The following PRKG1 variants were observed in gnomAD, a reference collection of about 807,000 sequenced individuals.
PRKG1 encodes protein kinase cGMP-dependent 1.
A neutral mutation model predicts 88.1 loss-of-function variants in PRKG1; 35 were observed. The ratio of observed to expected loss-of-function variants is 0.40; its 90% confidence interval spans 0.30 to 0.53. The LOEUF is 0.53. Among genes scored for constraint, PRKG1 ranks in the 20% least tolerant of loss-of-function variants. The pLI is 0.59. For synonymous variants in PRKG1, 303 were observed against 292.5 expected, an observed-to-expected ratio of 1.04 and a Z score of -0.37; for missense variants, 540 against 839.8, an observed-to-expected ratio of 0.64 and a Z score of 4.41.
At chr10:51,311,935 G>A (rs974909023) in intron 2 of PRKG1, among the ~76,000 whole-genome samples, 2 of 152,128 alleles carry the variant, frequency 1.3e-5, no homozygotes, top group Non-Finnish European at 2.9e-5. Flanking sequence ...GCAATGGCAT[G>A]ATCTTGGCTC....
At chr10:51,061,953 C>T (rs1189411143) in intron 1 of PRKG1, among the ~76,000 whole-genome samples, 1 of 152,200 alleles carries the variant, frequency 6.6e-6, no homozygotes, top group Non-Finnish European at 1.5e-5. Context: ...TGTTGCATGG[C>T]TTCTACTGTT....
chr10:51,549,951 A>G (rs548848603), intron 3 of PRKG1, among the ~76,000 whole-genome samples: 2 of 152,226 alleles, frequency 1.3e-5, no homozygotes, highest in Admixed American at 6.6e-5. Flanking sequence ...GCTTTTGCCT[A>G]GACTCATCCT....
chr10:51,738,788 A>C (rs867557084), intron 3 of PRKG1, among the ~76,000 whole-genome samples: 1 of 152,228 alleles, frequency 6.6e-6, no homozygotes, highest in Non-Finnish European at 1.5e-5. Context: ...TTTTAAAGTT[A>C]AAATTCTATT....
At chr10:51,546,379 A>T (rs1246828838) in intron 3 of PRKG1, among the ~76,000 whole-genome samples, 2 of 152,122 alleles carry the variant, frequency 1.3e-5, no homozygotes, top group Non-Finnish European at 2.9e-5. Context: ...CAAAAATGAT[A>T]GTTAAAAACT....
At chr10:51,405,513 G>A (rs990210045) in intron 2 of PRKG1, among the ~76,000 whole-genome samples, 4 of 152,106 alleles carry the variant, frequency 2.6e-5, no homozygotes, top group Non-Finnish European at 4.4e-5. Context: ...ACGTACAGGC[G>A]ATTTCAAATA....
At chr10:51,864,487 G>A (rs1306918353) in intron 4 of PRKG1, among the ~76,000 whole-genome samples, 1 of 152,208 alleles carries the variant, frequency 6.6e-6, no homozygotes, top group Admixed American at 6.5e-5. Flanking sequence ...TGACTCTCAC[G>A]TAGTAATTGC....
chr10:52,100,959 C>A (rs1299882663), intron 7 of PRKG1, among the ~76,000 whole-genome samples: 3 of 152,122 alleles, frequency 2.0e-5, no homozygotes, highest in Admixed American at 6.6e-5. Flanking sequence ...AGAATGTGTT[C>A]ATTAGAGATT....
rs529454290 is a variant in PRKG1 at position 51,151,094 on chromosome 10, G to T, written c.312-2070G>T. The stretch of plus-strand genomic sequence containing the variant: ...TTCTTGATTAGTTTTTATTGTACAA[G>T]AAACTATGAACCCATCAAATGGCCT... On this transcript the variant is annotated intron_variant, in intron 1 of 17. Transcript: ENST00000373980. Among the ~76,000 whole-genome samples the T allele has an allele frequency of 2.5e-4, 32 of 125,694 alleles. No individual in the cohort carries two copies. The East Asian group carries it at 5.8e-3, about 23-fold the overall frequency. The allele number at this position is 125,694 out of a possible 152,430, so 82.5% of individuals were successfully genotyped here.
chr10:51,834,403 G>T (rs1840075423), intron 4 of PRKG1, among the ~76,000 whole-genome samples: 1 of 152,138 alleles, frequency 6.6e-6, no homozygotes, highest in South Asian at 2.1e-4. Context: ...AACTTTGGGA[G>T]GCCGAGGCAA....
chr10:51,824,221 T>C (rs1049161403), intron 4 of PRKG1, among the ~76,000 whole-genome samples: 8 of 152,172 alleles, frequency 5.3e-5, no homozygotes, highest in African/African-American at 1.9e-4. Context: ...TTATAGGTCT[T>C]GGTGCTTGGA....
At chr10:51,844,704 C>T (rs1428461734) in intron 4 of PRKG1, among the ~76,000 whole-genome samples, 3 of 152,100 alleles carry the variant, frequency 2.0e-5, no homozygotes, top group African/African-American at 7.2e-5. Flanking sequence ...GATAAAAATT[C>T]TGAAGGAATG....
intron 5 of PRKG1, among the ~76,000 whole-genome samples, chr10:51,970,221 T>C (rs1843675954): frequency 1.3e-5 from 2 of 152,074 alleles, no homozygotes; most frequent in African/African-American, 4.8e-5. Context: ...GATATAATGC[T>C]TTTCAATTTT....
At chr10:51,143,830 T>C (rs910615189) in intron 1 of PRKG1, among the ~76,000 whole-genome samples, 2 of 152,106 alleles carry the variant, frequency 1.3e-5, no homozygotes, top group African/African-American at 4.8e-5. Flanking sequence ...TGGGTTTTTT[T>C]TGCTACTGAG....
intron 3 of PRKG1, among the ~76,000 whole-genome samples, chr10:51,726,383 T>G (rs1027315011): frequency 5.3e-5 from 8 of 152,242 alleles, no homozygotes; most frequent in Non-Finnish European, 1.2e-4. Flanking sequence ...GCATTGTGCA[T>G]GTATGTAAAA....
intron 1 of PRKG1, among the ~76,000 whole-genome samples, chr10:51,090,417 T>A (rs953695982): frequency 6.6e-6 from 1 of 151,986 alleles, no homozygotes; most frequent in African/African-American, 2.4e-5. Context: ...CCTACACAAT[T>A]TCTGTGTGGG....
intron 3 of PRKG1, among the ~76,000 whole-genome samples, chr10:51,742,506 GTGAC>G (rs1166058217): frequency 6.6e-6 from 1 of 152,200 alleles, no homozygotes; most frequent in Non-Finnish European, 1.5e-5. Flanking sequence ...AATAAGTTTA[GTGAC>G]TAGTTGGATG....
At chr10:52,055,568 T>C (rs981819550) in intron 6 of PRKG1, among the ~76,000 whole-genome samples, 11 of 152,182 alleles carry the variant, frequency 7.2e-5, no homozygotes, top group African/African-American at 9.6e-5. Context: ...ATTGTATTAC[T>C]AAAATACCTT....
intron 7 of PRKG1, among the ~76,000 whole-genome samples, chr10:52,103,329 C>T (rs1005375837): frequency 7.2e-5 from 11 of 152,054 alleles, no homozygotes; most frequent in Non-Finnish European, 1.0e-4. Flanking sequence ...ACTGTGCCTG[C>T]CTCTCCTGCC....
At chr10:51,827,405 C>G (rs1839904636) in intron 4 of PRKG1, among the ~76,000 whole-genome samples, 1 of 152,080 alleles carries the variant, frequency 6.6e-6, no homozygotes. Flanking sequence ...TGGTTATGCA[C>G]AAGGACTTTT....
Sources: allele counts gnomAD v4.1 joint callset (sites outside exome capture counted in the v4.1 genomes callset), GRCh38; gene constraint gnomAD v4.1.1; transcripts MANE v1.5; gene names NCBI Gene and HGNC (gene_info 2026-07-23, HGNC 2026-07-21).